Variants in CILK1 observed in about 807,000 individuals in gnomAD.
CILK1 encodes serine/threonine-protein kinase ICK.
CILK1 carries 47 observed loss-of-function variants against 79.2 expected under a neutral mutation model. The ratio of observed to expected loss-of-function variants is 0.59; its 90% CI spans 0.47 to 0.76. The LOEUF is 0.76. Among genes scored for constraint, CILK1 ranks in the 30% least tolerant of loss-of-function variants. The pLI is 0.00. For synonymous variants in CILK1, 266 were observed against 275.9 expected (o/e 0.96, Z 0.36); for missense variants, 660 against 769.5 (o/e 0.86, Z 1.68).
rs767559509 is a variant in CILK1, at chr6:53,016,032, A to C, written c.831+51T>G. 1.0e-5 allele frequency: 16 copies of C among 1,559,698 alleles called. No homozygotes were observed. In the South Asian group the frequency reaches 1.6e-4, roughly 15 times the overall value. Reference sequence around the variant, plus strand: ...TAAATATTTCCTGTGCAATTCATAGAAATTATTCAGAGTTAGATATGAACG... The same window carrying C: ...TAAATATTTCCTGTGCAATTCATAGCAATTATTCAGAGTTAGATATGAACG... On this transcript the variant is annotated intron_variant, in intron 8 of 13. Transcript: ENST00000676107.
chr6:53,027,801 T>TG (rs1765669493), intron 5 of CILK1, among the ~76,000 whole-genome samples: 1 of 152,020 alleles, frequency 6.6e-6, no homozygotes, highest in Admixed American at 6.6e-5. Context: ...CAGCAGGAGT[T>TG]GGAGACCAGG....
Position 53,005,245 on chromosome 6 carries a change from C to T in CILK1, c.1803G>A (p.Gln601=), listed in dbSNP as rs1581931375. 2 of 1,614,186 alleles carry T rather than the reference C, an allele frequency of 1.2e-6. No individual in the cohort carries two copies. The highest frequency in any genetic ancestry group is 1.7e-6 in the Non-Finnish European group (2 of 1,180,026). The part of the protein sequence containing the change: ...PHPGRPFFHT[Q]PRSTPGLIPR... Reference sequence around the variant, plus strand: ...GTATCAACCCAGGAGTGCTTCTAGGCTGGGTGTGGAAGAATGGTCGCCCAG... The same window carrying T: ...GTATCAACCCAGGAGTGCTTCTAGGTTGGGTGTGGAAGAATGGTCGCCCAG... Residue 601 remains glutamine (Q), a synonymous_variant, in exon 14 of 14, where the codon CAG becomes CAA. Coordinates refer to ENST00000676107, the MANE Select transcript of CILK1 (RefSeq NM_014920.5).
rs777213836 is a variant in CILK1, at chr6:53,009,526, C to T, written c.1534G>A (p.Glu512Lys). The change falls in exon 12 of 14, where the codon GAA becomes AAA. Residue 512 changes from glutamate (E) to lysine (K), a missense_variant. By Grantham distance (56) the Glu-to-Lys change is moderately conservative (BLOSUM62 1). Transcript: ENST00000676107. ...GACCATGGATTAGGTGGAATAAATTCCTTGCCTGGATTCGAGAGTATGCCA... is the reference window on the plus strand; with the variant it reads ...GACCATGGATTAGGTGGAATAAATTTCTTGCCTGGATTCGAGAGTATGCCA... The part of the protein sequence containing the change: ...RNGILSNPGK[E>K]FIPPNPWSSS... 6.8e-6 allele frequency: 11 copies of T among 1,612,282 alleles called. No individual in the cohort carries two copies. The highest frequency in any genetic ancestry group is 2.2e-5 in the South Asian group (2 of 91,044).
intron 1 of CILK1, among the ~76,000 whole-genome samples, chr6:53,054,846 T>C (rs1355167380): frequency 6.6e-6 from 1 of 152,208 alleles, no homozygotes; most frequent in Non-Finnish European, 1.5e-5. Context: ...GCGTCAATCC[T>C]CGGTGGAGGC....
In CILK1 at chr6:53,013,787, G is replaced by C; in HGVS notation, c.1027C>G (p.Pro343Ala). 1 of 1,614,128 alleles carries C rather than the reference G, an allele frequency of 6.2e-7. No individual in the cohort carries two copies. The highest frequency in any genetic ancestry group is 8.5e-7 in the Non-Finnish European group (1 of 1,180,030). Residue 343 changes from proline to alanine, a missense_variant, in exon 9 of 14, where the codon CCC (proline) becomes GCC (alanine). Physicochemically the swap from Pro to Ala is conservative, Grantham distance 27 (BLOSUM62 -1). Transcript: ENST00000676107. ...TAGGGGTACGTGAGATGCAGAGGGG[G>C]CTGGCTGGCTTGATGCTGTCGTGAA... ...ISSRQHQASQPPLHLTYPYKA... is the reference protein window; with the variant it reads ...ISSRQHQASQAPLHLTYPYKA...
chr6:53,025,750 C>A (rs893014507), intron 5 of CILK1, among the ~76,000 whole-genome samples: 4 of 152,012 alleles, frequency 2.6e-5, no homozygotes, highest in African/African-American at 9.7e-5. Flanking sequence ...ATATTGACTT[C>A]AAGTAGAAGT....
chr6:53,004,893 A>G lies in CILK1; in HGVS notation c.*256T>C, dbSNP rs1764126488. ...CTAAAACATAATCCATATATACAAA[A>G]TGCTGTTGTTTAAGAAAATAATGGG... On this transcript the variant is annotated 3_prime_UTR_variant, in exon 14 of 14. Coordinates refer to ENST00000676107, the MANE Select transcript of CILK1 (RefSeq NM_014920.5). 1 of 404,756 alleles carries G rather than the reference A, an allele frequency of 2.5e-6. No individual in the cohort carries two copies. Among genetic ancestry groups the G allele is most frequent in the South Asian group, 3.5e-5 (1 of 28,356 alleles). 25.1% of individuals were successfully genotyped at this position (404,756 alleles called of 1,614,324 possible).
Position 53,038,000 on chromosome 6 carries a change from G to C in CILK1, c.102-7C>G, listed in dbSNP as rs200248221. On this transcript the variant is annotated splice_region_variant and splice_polypyrimidine_tract_variant and intron_variant, in intron 2 of 13. Transcript: ENST00000676107. ...ATAAAATTTTCTTTTCATTCTAGAA[G>C]AGAAGAAAGAAACAAACAGCACACT... is the stretch of plus-strand genomic sequence containing the variant. The C allele has an allele frequency of 8.6e-5, 136 of 1,588,632 alleles. 1 individual carries two copies. The highest frequency in any genetic ancestry group is 3.3e-4 in the Middle Eastern group (2 of 6,034).
chr6:53,036,252 C>T (rs1197353826), intron 3 of CILK1, among the ~76,000 whole-genome samples: 1 of 152,116 alleles, frequency 6.6e-6, no homozygotes, highest in Non-Finnish European at 1.5e-5. Context: ...AGAAAATGTC[C>T]TTGGATTATC....
rs756203477 is a variant in CILK1, at chr6:53,016,052, T to C, written c.831+31A>G. On this transcript the variant is annotated intron_variant, in intron 8 of 13. Coordinates refer to ENST00000676107, the MANE Select transcript of CILK1 (RefSeq NM_014920.5). ...CATAGAAATTATTCAGAGTTAGATA[T>C]GAACGTTATAACAAGAAAATGGAAG... 3.7e-6 allele frequency: 6 copies of C among 1,606,524 alleles called. No individual in the cohort carries two copies. The South Asian group carries it at 4.4e-5, about 12-fold the overall frequency.
At chr6:53,026,382 T>C (rs1237100653) in intron 5 of CILK1, among the ~76,000 whole-genome samples, 1 of 152,072 alleles carries the variant, frequency 6.6e-6, no homozygotes, top group Non-Finnish European at 1.5e-5. Context: ...CTCCTGACCT[T>C]AGATGATCCG....
chr6:53,013,932 T>C lies in CILK1; in HGVS notation c.882A>G (p.Thr294=), dbSNP rs1764744412. ...FQVGHPLGST[T]QNLQDSEKPQ... ...GTTTTTCTGAATCCTGAAGGTTTTG[T>C]GTGGTGCTGCCTAGTGGGTGTCCAA... The change falls in exon 9 of 14, where the codon ACA becomes ACG. Residue 294 remains threonine, a synonymous_variant. Coordinates refer to ENST00000676107, the MANE Select transcript of CILK1 (RefSeq NM_014920.5). The C allele has an allele frequency of 2.5e-6, 4 of 1,614,020 alleles. No homozygotes were observed. The highest frequency in any genetic ancestry group is 2.7e-5 in the African/African-American group (2 of 74,906).
Position 53,005,056 on chromosome 6 carries a change from T to C in CILK1, c.*93A>G, listed in dbSNP as rs1764137292. On this transcript the variant is annotated 3_prime_UTR_variant, in exon 14 of 14. Coordinates refer to ENST00000676107, the MANE Select transcript of CILK1 (RefSeq NM_014920.5). Reference sequence around the variant, plus strand: ...ACTATAAAGTGTTGATTTGCTTTTATGCCCTCTGCACATCTTGCAGGTAGA... The same window carrying C: ...ACTATAAAGTGTTGATTTGCTTTTACGCCCTCTGCACATCTTGCAGGTAGA... 7.3e-7 allele frequency: 1 copy of C among 1,378,748 alleles called. No homozygotes were observed. The highest frequency in any genetic ancestry group is 2.3e-5 in the East Asian group (1 of 43,762). 85.4% of individuals were successfully genotyped at this position (1,378,748 alleles called of 1,614,324 possible). A position where few individuals can be genotyped will look rare whatever the true frequency, so the allele number is the denominator to read the frequency against.
At chr6:53,056,865 C>T (rs1480366698) in intron 1 of CILK1, among the ~76,000 whole-genome samples, 2 of 152,226 alleles carry the variant, frequency 1.3e-5, no homozygotes, top group East Asian at 1.9e-4. Flanking sequence ...CCGTCACGCC[C>T]CACTTCTTTG....
intron 3 of CILK1, among the ~76,000 whole-genome samples, chr6:53,034,674 T>G (rs994834408): frequency 6.6e-6 from 1 of 152,186 alleles, no homozygotes; most frequent in East Asian, 1.9e-4. Context: ...GGGCTTAAGA[T>G]GCAGTGCTTG....
intron 5 of CILK1, among the ~76,000 whole-genome samples, chr6:53,020,409 C>T (rs1765159941): frequency 6.6e-6 from 1 of 152,212 alleles, no homozygotes; most frequent in Non-Finnish European, 1.5e-5. Context: ...AACTCAGCTG[C>T]TGCTGATGCT....
intron 5 of CILK1, among the ~76,000 whole-genome samples, chr6:53,024,790 T>A (rs1253304770): frequency 6.6e-6 from 1 of 151,834 alleles, no homozygotes; most frequent in East Asian, 1.9e-4. Flanking sequence ...ATAGCTATTA[T>A]AGTGTCCAGC....
At chr6:53,016,061 T>C (rs1764871326) in intron 8 of CILK1, 22 bp downstream of exon 8, 2 of 1,612,140 alleles carry the variant, frequency 1.2e-6, no homozygotes, top group East Asian at 4.5e-5. Flanking sequence ...ATGAACGTTA[T>C]AACAAGAAAA....
At chr6:53,053,358 T>C (rs1767621887) in intron 1 of CILK1, among the ~76,000 whole-genome samples, 2 of 150,890 alleles carry the variant, frequency 1.3e-5, no homozygotes, top group African/African-American at 4.9e-5. Context: ...AATCATTCAC[T>C]ACAACGAATC....
Sources: gnomAD v4.1 joint callset for allele counts (sites outside exome capture counted in the v4.1 genomes callset) on GRCh38, gnomAD v4.1.1 for gene constraint, MANE v1.5 for transcripts, NCBI Gene and HGNC (gene_info 2026-07-23, HGNC 2026-07-21) for gene names.